Variants in PCDHGB2 observed in about 807,000 individuals in gnomAD.
The protein encoded by PCDHGB2 is protocadherin gamma-B2.
Under a neutral mutation model 59.3 loss-of-function variants are expected in PCDHGB2, and 55 were observed. The observed-to-expected ratio is 0.93, with a 90% CI of 0.75 to 1.16. The LOEUF (loss-of-function observed/expected upper bound fraction) is 1.16, where lower values mean the gene tolerates loss of function less well. Ranked by LOEUF, PCDHGB2 falls within the 50% of genes most tolerant of loss-of-function variation. The pLI, the probability that PCDHGB2 is intolerant of heterozygous loss-of-function variation, is 0.00. For synonymous variants in PCDHGB2, 516 were observed against 512.0 expected, an observed-to-expected ratio of 1.01 and a Z score of -0.11; for missense variants, 1,228 against 1,198.5, an observed-to-expected ratio of 1.02 and a Z score of -0.36.
chr5:141,415,045 G>T, intron 1 of PCDHGB2: 1 of 1,613,538 alleles, frequency 6.2e-7, no homozygotes, highest in East Asian at 2.2e-5. Context: ...CTTCGCGGTG[G>T]GGGAGCACAC....
At position 141,381,820 on chromosome 5, in the gene PCDHGB2, C is replaced by CTTTCTTTCT. The variant is rs1279410534; in HGVS notation, c.2421+19266_2421+19267insTCTTTCTTT. On this transcript the variant is annotated intron_variant, in intron 1 of 3. Transcript: ENST00000522605. ...TCCCTCTTTCTTTCTTTCTTTCTTT[C>CTTTCTTTCT]TTCTTCTTTTTTTTTTTTTTTTTTT... is the stretch of plus-strand genomic sequence containing the variant. 4.1e-3 allele frequency among the ~76,000 whole-genome samples: 486 copies of CTTTCTTTCT among 119,674 alleles called. 3 individuals carry two copies. The highest frequency in any genetic ancestry group is 0.016 in the African/African-American group (465 of 29,196). The allele number at this position is 119,674 out of a possible 152,430, so 78.5% of individuals were successfully genotyped here.
At chr5:141,387,857 G>A (rs375524405) in intron 1 of PCDHGB2, 124 of 1,594,010 alleles carry the variant, frequency 7.8e-5, no homozygotes, top group Admixed American at 2.1e-4. Context: ...TCTCCAGGCT[G>A]GTGAGCAAGC....
At chr5:141,399,254 G>A (rs2093775351) in intron 1 of PCDHGB2, 1 of 1,613,806 alleles carries the variant, frequency 6.2e-7, no homozygotes, top group East Asian at 2.2e-5. Context: ...GGGGAAAATG[G>A]GGAGGTTAAT....
chr5:141,422,421 T>C, intron 1 of PCDHGB2: 1 of 1,607,810 alleles, frequency 6.2e-7, no homozygotes, highest in Non-Finnish European at 8.5e-7. Context: ...TAGAAAAGAC[T>C]TATGGAAATT....
At position 141,476,689 on chromosome 5, in the gene PCDHGB2, C is replaced by A; in HGVS notation, c.2422-18118C>A. Reference sequence around the variant, plus strand: ...GCGTGCAGACGCGGGAGGACAGCACCAAGTACGCGGAGCTGGTGTTGGAGC... The same window carrying A: ...GCGTGCAGACGCGGGAGGACAGCACAAAGTACGCGGAGCTGGTGTTGGAGC... On this transcript the variant is annotated intron_variant, in intron 1 of 3. Transcript: ENST00000522605. The surrounding 1 kb of genome is among the most constrained non-coding windows in gnomAD (Gnocchi z 7.6). The A allele has an allele frequency of 1.9e-6, 3 of 1,614,226 alleles. No homozygotes were observed. Among genetic ancestry groups the A allele is most frequent in the Non-Finnish European group, 2.5e-6 (3 of 1,180,046 alleles).
intron 1 of PCDHGB2, among the ~76,000 whole-genome samples, chr5:141,474,432 C>T (rs1050895539): frequency 6.6e-6 from 1 of 152,214 alleles, no homozygotes; most frequent in Non-Finnish European, 1.5e-5. Context: ...GGTCCTCACA[C>T]TTTGAGTAGC....
At chr5:141,492,237 C>G (rs2099738580) in intron 1 of PCDHGB2, among the ~76,000 whole-genome samples, 1 of 152,206 alleles carries the variant, frequency 6.6e-6, no homozygotes, top group Admixed American at 6.5e-5. Flanking sequence ...TCCCTGCTGG[C>G]CACCCCCACG....
At chr5:141,391,561 G>T (rs2092390304) in intron 1 of PCDHGB2, 2 of 152,026 alleles carry the variant, frequency 1.3e-5, no homozygotes. Flanking sequence ...TTTTCCATAT[G>T]CATAAGAAAA....
chr5:141,491,454 C>G lies in PCDHGB2; in HGVS notation c.2422-3353C>G. ...GCTGCAGGCGCCAGGACTCACCCTCCCCGGACTTCTATAAGCAGTCCAGCC... is the reference window on the plus strand; with the variant it reads ...GCTGCAGGCGCCAGGACTCACCCTCGCCGGACTTCTATAAGCAGTCCAGCC... On this transcript the variant is annotated intron_variant, in intron 1 of 3. Coordinates refer to ENST00000522605, the MANE Select transcript of PCDHGB2 (RefSeq NM_018923.3). This position sits in a 1 kb window ranked among gnomAD's most constrained non-coding sequence, Gnocchi z 6.9. The G allele has an allele frequency of 6.2e-7, 1 of 1,614,120 alleles. No individual in the cohort carries two copies. Among genetic ancestry groups the G allele is most frequent in the Non-Finnish European group, 8.5e-7 (1 of 1,180,032 alleles).
At chr5:141,379,433 T>G (rs1775597873) in intron 1 of PCDHGB2, 1 of 152,256 alleles carries the variant, frequency 6.6e-6, no homozygotes. Flanking sequence ...AGATGGGCTG[T>G]TATACATATG....
intron 1 of PCDHGB2, among the ~76,000 whole-genome samples, chr5:141,444,872 G>T (rs2098449555): frequency 6.6e-6 from 1 of 152,120 alleles, no homozygotes. Context: ...ACAGGACAAA[G>T]CTTGTAGGAT....
At chr5:141,375,536 G>T in intron 1 of PCDHGB2, 1 of 1,613,972 alleles carries the variant, frequency 6.2e-7, no homozygotes, top group Non-Finnish European at 8.5e-7. Flanking sequence ...GGACCAGAAC[G>T]CCCAAGTCTC....
chr5:141,419,018 AG>A (rs2096314197), intron 1 of PCDHGB2: 1 of 1,613,838 alleles, frequency 6.2e-7, no homozygotes, highest in African/African-American at 1.3e-5. Context: ...GTGTAGCTTA[AG>A]TAGAGGTGTT....
At chr5:141,464,251 C>G (rs1438610569) in intron 1 of PCDHGB2, among the ~76,000 whole-genome samples, 1 of 141,396 alleles carries the variant, frequency 7.1e-6, no homozygotes, top group African/African-American at 2.7e-5. Context: ...GGCTACAGAG[C>G]GAGACTCCGT....
At chr5:141,462,235 C>T (rs1389326284) in intron 1 of PCDHGB2, among the ~76,000 whole-genome samples, 1 of 152,206 alleles carries the variant, frequency 6.6e-6, no homozygotes, top group African/African-American at 2.4e-5. Flanking sequence ...GCAGGGATTA[C>T]AGGTATGAGC....
chr5:141,502,661 T>G (rs1440361647), intron 2 of PCDHGB2, among the ~76,000 whole-genome samples: 1 of 152,240 alleles, frequency 6.6e-6, no homozygotes. Flanking sequence ...CAACCCTTCA[T>G]GCAATTTTAG....
chr5:141,360,576 G>A lies in PCDHGB2; in HGVS notation c.441G>A (p.Lys147=), dbSNP rs776110254. 1.9e-6 allele frequency: 3 copies of A among 1,613,810 alleles called. No homozygotes were observed. In the East Asian group the frequency reaches 6.7e-5, roughly 36 times the overall value. Residue 147 remains lysine, a synonymous_variant, in exon 1 of 4, where the codon AAG becomes AAA. Coordinates refer to ENST00000522605, the MANE Select transcript of PCDHGB2 (RefSeq NM_018923.3). ...ATTTAAAAATTGGCGAATCCACTAA[G>A]CCAGGTACAACATTTCCACTTGACC... ...KINLKIGEST[K]PGTTFPLDPA...
At chr5:141,505,536 C>T (rs749205049) in intron 3 of PCDHGB2, 55 bp downstream of exon 3, 9 of 1,610,164 alleles carry the variant, frequency 5.6e-6, no homozygotes, top group Non-Finnish European at 7.6e-6. Context: ...TTCTGGGGTG[C>T]ATCTCACAGC....
rs779283904 is a variant in PCDHGB2, at chr5:141,362,185, C to T, written c.2050C>T (p.Pro684Ser). 9.3e-6 allele frequency: 15 copies of T among 1,613,904 alleles called. No homozygotes were observed. The highest frequency in any genetic ancestry group is 3.3e-5 in the Admixed American group (2 of 60,014). Reference protein sequence around the residue: ...DLSDRREPSDPQAKLQFYLVV... With the variant: ...DLSDRREPSDSQAKLQFYLVV... ...CAGCGACCGCCGGGAGCCCTCTGACCCCCAGGCAAAACTGCAGTTTTACCT... is the reference window on the plus strand; with the variant it reads ...CAGCGACCGCCGGGAGCCCTCTGACTCCCAGGCAAAACTGCAGTTTTACCT... The change falls in exon 1 of 4, where the codon CCC (proline) becomes TCC (serine). Residue 684 changes from proline to serine, a missense_variant. Pro to Ser is a moderately conservative substitution (Grantham distance 74, BLOSUM62 -1). This residue lies in a region of PCDHGB2 where 433 missense variants were observed against 441.8 expected (regional missense o/e 0.98). Transcript: ENST00000522605.
Sources: gnomAD v4.1 joint callset for allele counts (sites outside exome capture counted in the v4.1 genomes callset) on GRCh38, gnomAD v4.1.1 for gene constraint, gnomAD v4.1.1 regional missense constraint, Gnocchi (gnomAD v3.1) non-coding constraint, MANE v1.5 for transcripts, NCBI Gene and HGNC (gene_info 2026-07-23, HGNC 2026-07-21) for gene names.